Variants in FRYL observed in about 807,000 individuals in gnomAD.
FRYL encodes the protein protein furry homolog-like.
In FRYL, 150 loss-of-function variants were observed where a neutral mutation model predicts 351.2. The ratio of observed to expected loss-of-function variants is 0.43; its 90% confidence interval spans 0.37 to 0.49. The LOEUF is 0.49. Among genes scored for constraint, FRYL ranks in the 20% least tolerant of loss-of-function variants. The pLI is 0.00. For missense variants in FRYL, 3,036 were observed against 3,619.3 expected, an observed-to-expected ratio of 0.84 and a Z score of 4.13; for synonymous variants, 1,153 against 1,257.1, an observed-to-expected ratio of 0.92 and a Z score of 1.75.
intron 1 of FRYL, among the ~76,000 whole-genome samples, chr4:48,758,436 T>C (rs932876557): frequency 2.6e-5 from 4 of 152,190 alleles, no homozygotes; most frequent in Non-Finnish European, 4.4e-5. Flanking sequence ...GAACAGACAC[T>C]TCTCAAAAGA....
intron 1 of FRYL, among the ~76,000 whole-genome samples, chr4:48,724,760 T>C (rs1392343572): frequency 1.3e-5 from 2 of 152,216 alleles, no homozygotes; most frequent in East Asian, 3.8e-4. Context: ...AACAACTTCA[T>C]AAATTTCCAT....
At chr4:48,721,163 T>C (rs1368535853) in intron 1 of FRYL, among the ~76,000 whole-genome samples, 2 of 152,160 alleles carry the variant, frequency 1.3e-5, no homozygotes, top group African/African-American at 2.4e-5. Flanking sequence ...CTATCTAACA[T>C]ATGCTTGGTT....
intron 47 of FRYL, among the ~76,000 whole-genome samples, chr4:48,539,153 G>T (rs1729565632): frequency 6.6e-6 from 1 of 152,000 alleles, no homozygotes; most frequent in Admixed American, 6.6e-5. Flanking sequence ...TTTACAAACA[G>T]CTACACCACT....
At chr4:48,598,558 T>C (rs892835299) in intron 13 of FRYL, among the ~76,000 whole-genome samples, 1 of 152,216 alleles carries the variant, frequency 6.6e-6, no homozygotes, top group Non-Finnish European at 1.5e-5. Flanking sequence ...AGATAATGTA[T>C]GTTAAACAGA....
At chr4:48,768,098 G>A (rs539269020) in intron 1 of FRYL, among the ~76,000 whole-genome samples, 6 of 152,284 alleles carry the variant, frequency 3.9e-5, no homozygotes, top group African/African-American at 9.6e-5. Flanking sequence ...AATACAGTAC[G>A]TAAAGGTTTC....
At chr4:48,506,617 TA>T (rs1437565797) in intron 59 of FRYL, 6 of 2,136 alleles carry the variant, frequency 2.8e-3, no homozygotes, top group South Asian at 7.1e-3. Context: ...ATACAACTAA[TA>T]TATATATATA....
chr4:48,504,767 T>C (rs924157258), intron 60 of FRYL, among the ~76,000 whole-genome samples: 1 of 152,170 alleles, frequency 6.6e-6, no homozygotes, highest in Admixed American at 6.5e-5. Flanking sequence ...GGCTGGCAAA[T>C]AGTTAACACT....
chr4:48,689,663 A>G (rs1395629686), intron 2 of FRYL, among the ~76,000 whole-genome samples: 1 of 152,194 alleles, frequency 6.6e-6, no homozygotes, highest in Non-Finnish European at 1.5e-5. Context: ...AAAAATCCCT[A>G]TCCTTGCGGA....
chr4:48,510,394 A>G (rs748768489), intron 58 of FRYL, among the ~76,000 whole-genome samples: 3 of 152,218 alleles, frequency 2.0e-5, no homozygotes, highest in Non-Finnish European at 4.4e-5. Flanking sequence ...GTCATGCCAG[A>G]CCAGTACATA....
intron 3 of FRYL, among the ~76,000 whole-genome samples, chr4:48,669,543 T>C (rs1464900071): frequency 6.7e-6 from 1 of 150,360 alleles, no homozygotes; most frequent in South Asian, 2.1e-4. Flanking sequence ...CATTATAATT[T>C]ATAATAATAT....
chr4:48,613,085 T>A (rs1052957866), intron 7 of FRYL, among the ~76,000 whole-genome samples: 8 of 152,252 alleles, frequency 5.3e-5, no homozygotes, highest in African/African-American at 1.9e-4. Flanking sequence ...ATATACATAA[T>A]GAACTATCTT....
At chr4:48,535,560 T>A (rs918929234) in intron 48 of FRYL, 97 bp downstream of exon 48, 46 of 594,626 alleles carry the variant, frequency 7.7e-5, no homozygotes, top group Non-Finnish European at 1.0e-4. Flanking sequence ...GTAGTTAAAA[T>A]ATATATATGT....
intron 3 of FRYL, among the ~76,000 whole-genome samples, chr4:48,684,113 G>A (rs1764929727): frequency 6.6e-6 from 1 of 152,156 alleles, no homozygotes; most frequent in South Asian, 2.1e-4. Flanking sequence ...GATAGGATTA[G>A]GTGTTATAGA....
Position 48,757,977 on chromosome 4 carries a change from A to C in FRYL, c.-384+22101T>G, listed in dbSNP as rs1578944078. Among the ~76,000 whole-genome samples, 5 of 152,340 alleles carry C rather than the reference A, an allele frequency of 3.3e-5. 2 individuals are homozygous for C. ...CTTTGACAAACCTGACAAAAACAAG[A>C]AATGGAGAAAGGATTCCCTATTTAA... On this transcript the variant is annotated intron_variant, in intron 1 of 63. Coordinates refer to ENST00000358350, the MANE Select transcript of FRYL (RefSeq NM_015030.2).
intron 19 of FRYL, among the ~76,000 whole-genome samples, chr4:48,584,214 T>A (rs1322973282): frequency 6.6e-6 from 1 of 152,220 alleles, no homozygotes; most frequent in Non-Finnish European, 1.5e-5. Flanking sequence ...AAGACAAATG[T>A]ATCAGAGTTA....
chr4:48,721,390 C>T (rs1578832022), intron 1 of FRYL, among the ~76,000 whole-genome samples: 1 of 151,034 alleles, frequency 6.6e-6, no homozygotes, highest in African/African-American at 2.4e-5. Context: ...ATTGGCTGGG[C>T]ATGGTGGCTC....
At chr4:48,512,059 C>T (rs1010842591) in intron 57 of FRYL, among the ~76,000 whole-genome samples, 8 of 152,124 alleles carry the variant, frequency 5.3e-5, no homozygotes, top group Non-Finnish European at 1.0e-4. Flanking sequence ...AGGAAGCAAC[C>T]TTAACAGCTA....
intron 3 of FRYL, among the ~76,000 whole-genome samples, chr4:48,652,512 A>G (rs1167284225): frequency 6.6e-6 from 1 of 152,214 alleles, no homozygotes; most frequent in African/African-American, 2.4e-5. Flanking sequence ...TCACTTAAAA[A>G]CTTTCCTAGA....
At chr4:48,711,211 C>T (rs112922394) in intron 1 of FRYL, among the ~76,000 whole-genome samples, 14,044 of 152,188 alleles carry the variant, frequency 0.092, 827 homozygotes, top group East Asian at 0.31. Context: ...AGACAGTGGG[C>T]GCAGGTCAGT....
Sources: gnomAD v4.1 joint callset for allele counts (sites outside exome capture counted in the v4.1 genomes callset) on GRCh38, gnomAD v4.1.1 for gene constraint, MANE v1.5 for transcripts, NCBI Gene and HGNC (gene_info 2026-07-23, HGNC 2026-07-21) for gene names.